LDB2: variants seen among roughly 807,000 people sequenced by gnomAD.
LDB2 encodes the protein LIM domain-binding protein 2.
A neutral mutation model predicts 44.3 loss-of-function variants in LDB2; 12 were observed. That is an observed-to-expected ratio of 0.27 (90% CI 0.17 to 0.44). LDB2 has a LOEUF of 0.44. Among genes scored for constraint, LDB2 ranks in the 20% least tolerant of loss-of-function variants. LDB2 has a pLI of 1.00. For synonymous variants in LDB2, 164 were observed against 174.8 expected (o/e 0.94, Z 0.49); for missense variants, 344 against 473.5 (o/e 0.73, Z 2.54).
intron 2 of LDB2, among the ~76,000 whole-genome samples, chr4:16,728,868 C>A (rs1760115211): frequency 1.3e-5 from 2 of 152,174 alleles, no homozygotes; most frequent in South Asian, 4.1e-4. Flanking sequence ...TAAAATAGAG[C>A]AGTAAAAGTT....
chr4:16,769,114 C>T (rs1326072991), intron 1 of LDB2, among the ~76,000 whole-genome samples: 2 of 152,124 alleles, frequency 1.3e-5, no homozygotes, highest in Non-Finnish European at 2.9e-5. Flanking sequence ...CTGGAACAGG[C>T]AGCCCAAAGC....
intron 1 of LDB2, among the ~76,000 whole-genome samples, chr4:16,804,180 C>T (rs1480537941): frequency 6.6e-6 from 1 of 152,122 alleles, no homozygotes; most frequent in African/African-American, 2.4e-5. Context: ...TGCAGTGGCA[C>T]AATCATGGCT....
chr4:16,823,655 C>A (rs1782519124), intron 1 of LDB2, among the ~76,000 whole-genome samples: 1 of 152,176 alleles, frequency 6.6e-6, no homozygotes, highest in Non-Finnish European at 1.5e-5. Flanking sequence ...TTCCACAAAG[C>A]CATACCTTTG....
intron 1 of LDB2, among the ~76,000 whole-genome samples, chr4:16,846,446 C>A (rs1025808973): frequency 6.6e-6 from 1 of 152,172 alleles, no homozygotes; most frequent in South Asian, 2.1e-4. Context: ...TTTAGCAGAA[C>A]AAGTTGCATT....
At chr4:16,705,557 C>T (rs1320529299) in intron 2 of LDB2, among the ~76,000 whole-genome samples, 1 of 152,142 alleles carries the variant, frequency 6.6e-6, no homozygotes, top group Non-Finnish European at 1.5e-5. Context: ...GCAAGCCCAG[C>T]CTGCCTGCGC....
intron 5 of LDB2, among the ~76,000 whole-genome samples, chr4:16,543,768 A>G (rs35997104): frequency 6.5e-4 from 99 of 152,200 alleles, no homozygotes; most frequent in African/African-American, 2.1e-3. Context: ...ACAAATGGAT[A>G]TAATTAAACT....
At chr4:16,676,021 A>G (rs1417244618) in intron 2 of LDB2, among the ~76,000 whole-genome samples, 1 of 152,216 alleles carries the variant, frequency 6.6e-6, no homozygotes, top group Non-Finnish European at 1.5e-5. Context: ...TAATAATAAC[A>G]GTATTTTATA....
chr4:16,620,588 C>G (rs1270103736), intron 2 of LDB2, among the ~76,000 whole-genome samples: 1 of 152,222 alleles, frequency 6.6e-6, no homozygotes, highest in African/African-American at 2.4e-5. Context: ...CCTTCTCATT[C>G]ACTCCATCTG....
chr4:16,506,324 T>G (rs1719417570), intron 7 of LDB2: 1 of 210,318 alleles, frequency 4.8e-6, no homozygotes. Context: ...TATTAAAACA[T>G]CTTTAACTGC....
At chr4:16,852,935 T>C (rs1788582324) in intron 1 of LDB2, among the ~76,000 whole-genome samples, 1 of 152,162 alleles carries the variant, frequency 6.6e-6, no homozygotes, top group South Asian at 2.1e-4. Context: ...AAGATCACTT[T>C]AAGTTTAGAA....
chr4:16,581,336 A>C, intron 5 of LDB2: 1 of 859,020 alleles, frequency 1.2e-6, no homozygotes, highest in Non-Finnish European at 1.4e-6. Flanking sequence ...ACAGCTAGTA[A>C]GAAGATGATG....
At chr4:16,651,168 G>T (rs1278066666) in intron 2 of LDB2, 1 of 152,092 alleles carries the variant, frequency 6.6e-6, no homozygotes, top group Admixed American at 6.5e-5. Context: ...TTCTCACCTG[G>T]GATCACTCAT....
chr4:16,881,292 A>C (rs920733210), intron 1 of LDB2, among the ~76,000 whole-genome samples: 3 of 152,162 alleles, frequency 2.0e-5, no homozygotes, highest in Non-Finnish European at 4.4e-5. Flanking sequence ...GCTAATTACT[A>C]AGCCTCTCTC....
intron 2 of LDB2, among the ~76,000 whole-genome samples, chr4:16,712,525 C>T (rs1180049858): frequency 6.6e-6 from 1 of 151,990 alleles, no homozygotes; most frequent in Non-Finnish European, 1.5e-5. Context: ...GCACTCCAGC[C>T]TGGGTGACAC....
intron 6 of LDB2, 55 bp from the exon 7 acceptor site, chr4:16,508,741 A>G (rs1157035584): frequency 1.9e-6 from 3 of 1,556,292 alleles, no homozygotes; most frequent in Middle Eastern, 1.7e-4. Flanking sequence ...CAACAAGGCA[A>G]TCATCAGTAT....
At chr4:16,704,142 T>G (rs964045044) in intron 2 of LDB2, among the ~76,000 whole-genome samples, 1 of 152,150 alleles carries the variant, frequency 6.6e-6, no homozygotes, top group African/African-American at 2.4e-5. Context: ...CCTGAGAAAG[T>G]CTCTTCCTGT....
chr4:16,578,031 A>G (rs546748800), intron 5 of LDB2, among the ~76,000 whole-genome samples: 1 of 152,250 alleles, frequency 6.6e-6, no homozygotes, highest in South Asian at 2.1e-4. Context: ...ATGAAATTAG[A>G]CCCCTATTTC....
intron 1 of LDB2, among the ~76,000 whole-genome samples, chr4:16,813,427 ATAT>A (rs1305554793): frequency 4.6e-5 from 7 of 152,128 alleles, no homozygotes; most frequent in African/African-American, 1.4e-4. Flanking sequence ...ATACGAGACA[ATAT>A]TATTATTATC....
chr4:16,607,490 T>C (rs1336676507), intron 2 of LDB2, among the ~76,000 whole-genome samples: 1 of 152,264 alleles, frequency 6.6e-6, no homozygotes, highest in Non-Finnish European at 1.5e-5. Flanking sequence ...TACTGTGACC[T>C]TGAAGAAATG....
Sources: allele counts gnomAD v4.1 joint callset (sites outside exome capture counted in the v4.1 genomes callset), GRCh38; gene constraint gnomAD v4.1.1; transcripts MANE v1.5; gene names NCBI Gene and HGNC (gene_info 2026-07-23, HGNC 2026-07-21).